Variants in INTS4 observed in about 807,000 individuals in gnomAD.
INTS4 encodes the protein integrator complex subunit 4.
INTS4 carries 70 observed loss-of-function variants against 119.5 expected under a neutral mutation model. The ratio of observed to expected loss-of-function variants is 0.59; its 90% confidence interval spans 0.48 to 0.71. The LOEUF (loss-of-function observed/expected upper bound fraction) is 0.71. INTS4 is among the 30% of genes least tolerant of loss of function. The probability of loss-of-function intolerance (pLI) is 0.00; values close to 1 mark genes in which losing one functional copy is unlikely to be tolerated. For synonymous variants in INTS4, 316 were observed against 419.6 expected (o/e 0.75, Z 3.02); for missense variants, 867 against 1,173.2 (o/e 0.74, Z 3.81).
intron 21 of INTS4, among the ~76,000 whole-genome samples, chr11:77,890,542 G>C (rs1241358354): frequency 6.6e-6 from 1 of 151,974 alleles, no homozygotes; most frequent in African/African-American, 2.4e-5. Context: ...TGCTTTGAAA[G>C]GGTTTTTTAG....
intron 18 of INTS4, among the ~76,000 whole-genome samples, chr11:77,897,420 GATT>G (rs1485306908): frequency 6.6e-6 from 1 of 151,136 alleles, no homozygotes; most frequent in Non-Finnish European, 1.5e-5. Flanking sequence ...AACTTTAAAA[GATT>G]ATATTTATAA....
chr11:77,885,581 G>C (rs895764937), intron 21 of INTS4, among the ~76,000 whole-genome samples: 4 of 152,018 alleles, frequency 2.6e-5, no homozygotes, highest in Non-Finnish European at 4.4e-5. Flanking sequence ...CACTTTGGGA[G>C]GCTGAGCCAG....
intron 2 of INTS4, among the ~76,000 whole-genome samples, chr11:77,990,062 A>T (rs2136667979): frequency 6.6e-6 from 1 of 151,562 alleles, no homozygotes; most frequent in East Asian, 2.0e-4. Context: ...CTAAAAATAC[A>T]AAAAAAATTA....
rs572316402 is a variant in INTS4, at chr11:77,959,981, G to C, written c.708+360C>G. 6.6e-5 allele frequency among the ~76,000 whole-genome samples: 10 copies of C among 152,038 alleles called. No homozygotes were observed. The East Asian group carries it at 1.7e-3, about 27-fold the overall frequency. The stretch of plus-strand genomic sequence containing the variant: ...GTCACCCTTCTCCAGACACACTCTA[G>C]TTTGTGAAGTGTGGTGCCCAGAAAT... On this transcript the variant is annotated intron_variant, in intron 6 of 22. Transcript: ENST00000534064.
Position 77,954,877 on chromosome 11 carries a change from A to T in INTS4, c.918+1065T>A, listed in dbSNP as rs536118856. ...GGGTTTGAGCCTCCTGAACTAGGAC[A>T]TAACAAGTGCTTAATAAATGGGAAA... On this transcript the variant is annotated intron_variant, in intron 8 of 22. Coordinates refer to ENST00000534064, the MANE Select transcript of INTS4 (RefSeq NM_033547.4). Among the ~76,000 whole-genome samples the T allele has an allele frequency of 2.0e-5, 3 of 152,346 alleles. No homozygotes were observed. In the South Asian group the frequency reaches 6.2e-4, roughly 32 times the overall value.
At chr11:77,979,895 T>C (rs1856129602) in intron 3 of INTS4, among the ~76,000 whole-genome samples, 1 of 150,458 alleles carries the variant, frequency 6.6e-6, no homozygotes, top group African/African-American at 2.4e-5. Flanking sequence ...GGAGAATCGC[T>C]TGAACCCGGG....
chr11:77,961,215 C>T, intron 4 of INTS4, 77 bp from the exon 5 acceptor site: 1 of 1,426,602 alleles, frequency 7.0e-7, no homozygotes. Flanking sequence ...CAAACACAGA[C>T]AAGACCAGAA....
intron 8 of INTS4, among the ~76,000 whole-genome samples, chr11:77,955,459 T>C (rs1289044921): frequency 3.3e-5 from 5 of 152,142 alleles, no homozygotes; most frequent in African/African-American, 1.2e-4. Flanking sequence ...AAAAGGATTA[T>C]TGGCTGGGTG....
intron 16 of INTS4, among the ~76,000 whole-genome samples, chr11:77,904,018 T>C (rs1489963530): frequency 6.6e-6 from 1 of 152,196 alleles, no homozygotes; most frequent in Non-Finnish European, 1.5e-5. Context: ...TTTTTTCTTT[T>C]CCCCTATGCT....
rs549968080 is a variant in INTS4 at position 77,896,962 on chromosome 11, G to A, written c.2229-2613C>T. ...AAGGTTTGAGCATGAAAAATAAGCT[G>A]TAGGGAAGAGAACCAGACTGACATA... is the stretch of plus-strand genomic sequence containing the variant. On this transcript the variant is annotated intron_variant, in intron 18 of 22. Transcript: ENST00000534064. 8.2e-4 allele frequency among the ~76,000 whole-genome samples: 124 copies of A among 150,836 alleles called. 1 individual carries two copies. The highest frequency in any genetic ancestry group is 1.5e-3 in the Non-Finnish European group (101 of 68,018).
chr11:77,876,532 TACTTGA>T (rs1276688168), downstream of INTS4, among the ~76,000 whole-genome samples: 1 of 151,934 alleles, frequency 6.6e-6, no homozygotes, highest in Non-Finnish European at 1.5e-5. Flanking sequence ...CCCGATACGA[TACTTGA>T]ATTGCTTAGC....
intron 3 of INTS4, among the ~76,000 whole-genome samples, chr11:77,981,168 CT>C (rs1379003963): frequency 1.5e-5 from 2 of 137,600 alleles, no homozygotes; most frequent in Non-Finnish European, 3.1e-5. Context: ...AAGGCCCTGC[CT>C]CAAAACAAAA....
chr11:77,939,421 C>T (rs1359903799), intron 9 of INTS4, among the ~76,000 whole-genome samples: 4 of 151,266 alleles, frequency 2.6e-5, no homozygotes, highest in Non-Finnish European at 5.9e-5. Context: ...TCCAGCCTGG[C>T]GACAGAGCGA....
intron 15 of INTS4, among the ~76,000 whole-genome samples, chr11:77,909,458 T>C (rs574308549): frequency 1.3e-5 from 2 of 152,348 alleles, no homozygotes; most frequent in East Asian, 3.9e-4. Context: ...ACCTTCTACA[T>C]GTATCTTCAT....
chr11:77,980,506 A>G (rs1353606104), intron 3 of INTS4, among the ~76,000 whole-genome samples: 2 of 152,080 alleles, frequency 1.3e-5, no homozygotes, highest in Non-Finnish European at 2.9e-5. Flanking sequence ...TAGCCTCCCA[A>G]GCAGCTGGGA....
intron 21 of INTS4, among the ~76,000 whole-genome samples, chr11:77,887,962 T>G (rs1404229921): frequency 2.6e-5 from 4 of 152,126 alleles, no homozygotes; most frequent in Non-Finnish European, 1.5e-5. Flanking sequence ...TGCTCATGGG[T>G]AGGAAGAATC....
chr11:77,917,762 A>AT (rs1034612602), intron 15 of INTS4, among the ~76,000 whole-genome samples: 2 of 151,784 alleles, frequency 1.3e-5, no homozygotes, highest in African/African-American at 4.8e-5. Flanking sequence ...ATGAGTTTAA[A>AT]TTTTTTTCAT....
At chr11:77,908,910 A>C (rs1953026225) in intron 15 of INTS4, among the ~76,000 whole-genome samples, 2 of 152,320 alleles carry the variant, frequency 1.3e-5, no homozygotes, top group South Asian at 4.1e-4. Flanking sequence ...CTTCTTTATT[A>C]CTAATTGAAC....
chr11:77,929,087 C>T (rs1359898310), intron 10 of INTS4, among the ~76,000 whole-genome samples: 1 of 151,754 alleles, frequency 6.6e-6, no homozygotes, highest in Non-Finnish European at 1.5e-5. Context: ...GTGCCATACA[C>T]CAAAGTCCCA....
Sources: gnomAD v4.1 joint callset for allele counts (sites outside exome capture counted in the v4.1 genomes callset) on GRCh38, gnomAD v4.1.1 for gene constraint, MANE v1.5 for transcripts, NCBI Gene and HGNC (gene_info 2026-07-23, HGNC 2026-07-21) for gene names.